Variants in PHACTR1 observed in about 807,000 individuals in gnomAD.
The protein encoded by PHACTR1 is phosphatase and actin regulator 1.
A neutral mutation model predicts 69.2 loss-of-function variants in PHACTR1; 16 were observed. The observed-to-expected ratio is 0.23, with a 90% CI of 0.16 to 0.35. PHACTR1 has a LOEUF of 0.35. PHACTR1 is among the 10% of genes least tolerant of loss of function. The pLI, the probability that PHACTR1 is intolerant of heterozygous loss-of-function variation, is 1.00. For missense variants in PHACTR1, 510 were observed against 734.7 expected, an observed-to-expected ratio of 0.69 and a Z score of 3.54; for synonymous variants, 312 against 284.5, an observed-to-expected ratio of 1.10 and a Z score of -0.97.
chr6:12,970,615 G>T (rs1794081724), intron 4 of PHACTR1, among the ~76,000 whole-genome samples: 1 of 152,140 alleles, frequency 6.6e-6, no homozygotes, highest in African/African-American at 2.4e-5. Flanking sequence ...AATTAGCCAG[G>T]CGTGGTGGTG....
chr6:12,779,218 C>G (rs953812917), intron 4 of PHACTR1, among the ~76,000 whole-genome samples: 8 of 152,066 alleles, frequency 5.3e-5, no homozygotes, highest in Non-Finnish European at 7.4e-5. Flanking sequence ...GCCTGTAATC[C>G]CAGCTACTTG....
chr6:13,146,863 C>T (rs1445206260), intron 5 of PHACTR1, among the ~76,000 whole-genome samples: 2 of 152,118 alleles, frequency 1.3e-5, no homozygotes, highest in Non-Finnish European at 2.9e-5. Flanking sequence ...GTGTTAAAGG[C>T]AGCAGAGAAC....
intron 5 of PHACTR1, among the ~76,000 whole-genome samples, chr6:13,076,025 A>AT (rs1449439163): frequency 1.0e-4 from 12 of 115,580 alleles, no homozygotes; most frequent in South Asian, 3.6e-4. Flanking sequence ...GCAAGGGAGC[A>AT]TCTTTTTTTT....
At chr6:13,014,199 G>C (rs1259231617) in intron 4 of PHACTR1, among the ~76,000 whole-genome samples, 1 of 151,988 alleles carries the variant, frequency 6.6e-6, no homozygotes, top group Middle Eastern at 3.2e-3. Context: ...GAGGTGGCTC[G>C]GGCTGTCTCA....
At chr6:13,191,079 C>G (rs770550666) in intron 7 of PHACTR1, among the ~76,000 whole-genome samples, 1 of 152,142 alleles carries the variant, frequency 6.6e-6, no homozygotes, top group Non-Finnish European at 1.5e-5. Context: ...TCTCTCTCCC[C>G]CATTGATCCC....
intron 4 of PHACTR1, among the ~76,000 whole-genome samples, chr6:12,833,228 G>C (rs1777775871): frequency 6.6e-6 from 1 of 151,744 alleles, no homozygotes; most frequent in African/African-American, 2.4e-5. Flanking sequence ...TGATATACTA[G>C]ATAATCTCTG....
In PHACTR1 at chr6:12,749,935, G is replaced by A. The variant is rs576142354; in HGVS notation, c.250+145G>A. 8.6e-5 allele frequency: 66 copies of A among 766,100 alleles called. 1 individual carries two copies. In the South Asian group the frequency reaches 1.2e-3, roughly 13 times the overall value. The allele number at this position is 766,100 out of a possible 1,614,324, so 47.5% of individuals were successfully genotyped here. ...CTCGCGCTCTTTGTGTCTCCGGTGC[G>A]CAGAGGGCGTGTGTGCGAGCTACGG... On this transcript the variant is annotated intron_variant, in intron 4 of 14. Coordinates refer to ENST00000332995, the MANE Select transcript of PHACTR1 (RefSeq NM_030948.6).
At chr6:13,094,977 A>G (rs1813934384) in intron 5 of PHACTR1, among the ~76,000 whole-genome samples, 1 of 152,110 alleles carries the variant, frequency 6.6e-6, no homozygotes, top group Non-Finnish European at 1.5e-5. Context: ...CCTGATGTGG[A>G]AGGATTAGAT....
At chr6:13,155,230 C>T (rs1203802222) in intron 5 of PHACTR1, among the ~76,000 whole-genome samples, 1 of 152,260 alleles carries the variant, frequency 6.6e-6, no homozygotes, top group Middle Eastern at 3.4e-3. Flanking sequence ...TCAAAACAAC[C>T]TTAATGTTAC....
intron 4 of PHACTR1, among the ~76,000 whole-genome samples, chr6:12,916,867 G>A (rs917255633): frequency 3.3e-5 from 5 of 152,138 alleles, no homozygotes; most frequent in African/African-American, 1.2e-4. Context: ...CAGGAGAATT[G>A]GATATTTCTG....
In PHACTR1 at chr6:12,844,414, CAAAT is replaced by C. The variant is rs562295847; in HGVS notation, c.250+94636_250+94639del. On this transcript the variant is annotated intron_variant, in intron 4 of 14. Coordinates refer to ENST00000332995, the MANE Select transcript of PHACTR1 (RefSeq NM_030948.6). ...CCTATCCCCCGCCCCCAAAAAAACA[CAAAT>C]AAATAAATAAAATAAAACATTAACA... Among the ~76,000 whole-genome samples the C allele has an allele frequency of 9.5e-4, 145 of 151,930 alleles. 2 individuals carry two copies. In the South Asian group the frequency reaches 0.03, roughly 31 times the overall value.
rs1363035982 is a variant in PHACTR1, at chr6:12,985,542, ATAT to A, written c.251-67822_251-67820del. 2.5e-3 allele frequency among the ~76,000 whole-genome samples: 260 copies of A among 104,330 alleles called. 2 individuals are homozygous for A. The highest frequency in any genetic ancestry group is 0.011 in the African/African-American group (255 of 23,492). 68.4% of individuals were successfully genotyped at this position (104,330 alleles called of 152,430 possible). On this transcript the variant is annotated intron_variant, in intron 4 of 14. Coordinates refer to ENST00000332995, the MANE Select transcript of PHACTR1 (RefSeq NM_030948.6). The stretch of plus-strand genomic sequence containing the variant: ...GTACTACAAATTAAAAAAAAAAAAA[ATAT>A]ATATATATATATATATACACAGAGA...
chr6:12,953,634 T>C (rs1335599147), intron 4 of PHACTR1, among the ~76,000 whole-genome samples: 4 of 152,182 alleles, frequency 2.6e-5, no homozygotes, highest in African/African-American at 9.7e-5. Context: ...CTATTAGAAA[T>C]TGGGGATATT....
At chr6:13,263,685 G>A (rs1302761185) in intron 10 of PHACTR1, among the ~76,000 whole-genome samples, 1 of 152,158 alleles carries the variant, frequency 6.6e-6, no homozygotes, top group African/African-American at 2.4e-5. Context: ...ATCACGTTTA[G>A]ATATACAGTC....
intron 4 of PHACTR1, among the ~76,000 whole-genome samples, chr6:13,046,498 G>A (rs2127722967): frequency 6.6e-6 from 1 of 152,278 alleles, no homozygotes; most frequent in South Asian, 2.1e-4. Context: ...AGAAGGAAGT[G>A]AGGGCAGTGA....
intron 4 of PHACTR1, among the ~76,000 whole-genome samples, chr6:12,750,169 A>T (rs1016683707): frequency 6.6e-6 from 1 of 152,114 alleles, no homozygotes; most frequent in African/African-American, 2.4e-5. Context: ...ACGGGGTGGA[A>T]CTTGTTGGTG....
chr6:13,171,744 C>G (rs375026496), intron 6 of PHACTR1, among the ~76,000 whole-genome samples: 1 of 152,154 alleles, frequency 6.6e-6, no homozygotes, highest in Non-Finnish European at 1.5e-5. Flanking sequence ...TGGCCATCCC[C>G]TATAACTTCC....
At chr6:12,742,077 AT>A (rs1212310600) in intron 3 of PHACTR1, among the ~76,000 whole-genome samples, 3 of 151,990 alleles carry the variant, frequency 2.0e-5, no homozygotes, top group Admixed American at 6.6e-5. Flanking sequence ...AGAAAAAATG[AT>A]TTGGGGGGGA....
intron 4 of PHACTR1, among the ~76,000 whole-genome samples, chr6:12,878,550 G>A (rs1384198951): frequency 1.3e-5 from 2 of 152,150 alleles, no homozygotes; most frequent in African/African-American, 4.8e-5. Context: ...CATCTTACAG[G>A]GGAACCCCAG....
Sources: allele counts gnomAD v4.1 joint callset (sites outside exome capture counted in the v4.1 genomes callset), GRCh38; gene constraint gnomAD v4.1.1; transcripts MANE v1.5; gene names NCBI Gene and HGNC (gene_info 2026-07-23, HGNC 2026-07-21).